DOCK2: variants seen among roughly 807,000 people sequenced by gnomAD.
DOCK2 encodes dedicator of cytokinesis 2, also known as dedicator of cytokinesis protein 2.
DOCK2 carries 87 observed loss-of-function variants against 248.9 expected under a neutral mutation model. The observed-to-expected ratio is 0.35, with a 90% CI of 0.29 to 0.42. DOCK2 has a LOEUF of 0.42. Among genes scored for constraint, DOCK2 ranks in the 10% least tolerant of loss-of-function variants. The pLI, the probability that DOCK2 is intolerant of heterozygous loss-of-function variation, is 1.00. For synonymous variants in DOCK2, 805 were observed against 821.6 expected, an observed-to-expected ratio of 0.98 and a Z score of 0.35; for missense variants, 1,747 against 2,300.2, an observed-to-expected ratio of 0.76 and a Z score of 4.92.
At chr5:169,906,066 G>T (rs1234499268) in intron 27 of DOCK2, among the ~76,000 whole-genome samples, 4 of 152,194 alleles carry the variant, frequency 2.6e-5, no homozygotes, top group African/African-American at 9.7e-5. Context: ...AATTATAAAT[G>T]AATGCAAAGA....
At chr5:169,817,870 C>T (rs1012046641) in intron 26 of DOCK2, among the ~76,000 whole-genome samples, 3 of 152,228 alleles carry the variant, frequency 2.0e-5, no homozygotes, top group Non-Finnish European at 4.4e-5. Flanking sequence ...TTTGACTGAT[C>T]CTCCCATCTT....
intron 25 of DOCK2, among the ~76,000 whole-genome samples, chr5:169,780,806 TG>T (rs1765672937): frequency 1.3e-5 from 2 of 152,230 alleles, no homozygotes; most frequent in Admixed American, 1.3e-4. Flanking sequence ...TTAAGTGAAA[TG>T]ATGTATAACA....
chr5:169,978,460 G>T (rs1301714661), intron 27 of DOCK2, among the ~76,000 whole-genome samples: 1 of 146,550 alleles, frequency 6.8e-6, no homozygotes, highest in East Asian at 2.0e-4. Context: ...GTTGAATGTT[G>T]TACACTAAAA....
chr5:170,021,630 A>G (rs1356838910), intron 33 of DOCK2, among the ~76,000 whole-genome samples: 3 of 152,092 alleles, frequency 2.0e-5, no homozygotes, highest in Non-Finnish European at 4.4e-5. Context: ...TCCAGTGTGC[A>G]TTCATTCTGA....
chr5:169,966,112 T>C (rs1447751916), intron 27 of DOCK2, among the ~76,000 whole-genome samples: 1 of 152,256 alleles, frequency 6.6e-6, no homozygotes, highest in Non-Finnish European at 1.5e-5. Flanking sequence ...TACTTTGAAG[T>C]TGTAAGGCCT....
At chr5:169,690,853 G>A (rs926969808) in intron 9 of DOCK2, among the ~76,000 whole-genome samples, 2 of 152,142 alleles carry the variant, frequency 1.3e-5, no homozygotes, top group African/African-American at 4.8e-5. Flanking sequence ...CCACACCTCC[G>A]CTCCTCAGAA....
At chr5:169,986,216 T>C (rs113225441) in intron 29 of DOCK2, among the ~76,000 whole-genome samples, 20 of 152,324 alleles carry the variant, frequency 1.3e-4, no homozygotes, top group African/African-American at 4.8e-4. Context: ...TTTAAAAATA[T>C]ATTATTTTAA....
chr5:169,708,435 A>G (rs1761395091), intron 15 of DOCK2, among the ~76,000 whole-genome samples, 168 bp downstream of exon 15: 1 of 152,214 alleles, frequency 6.6e-6, no homozygotes, highest in Non-Finnish European at 1.5e-5. Context: ...TGAACAGGGA[A>G]GTAGCCTGAC....
intron 25 of DOCK2, among the ~76,000 whole-genome samples, chr5:169,762,639 C>T (rs1401079977): frequency 1.3e-5 from 2 of 152,170 alleles, no homozygotes; most frequent in Non-Finnish European, 2.9e-5. Context: ...AAAAGAATGA[C>T]CTGTTCAGAA....
intron 27 of DOCK2, chr5:169,883,940 G>A: frequency 2.8e-6 from 4 of 1,444,132 alleles, no homozygotes; most frequent in Non-Finnish European, 3.7e-6. Flanking sequence ...ACTTCTCCTA[G>A]GCACATCTCC....
At chr5:170,081,772 G>A (rs1758041122) in intron 50 of DOCK2, 70 bp from the exon 51 acceptor site, 1 of 1,257,244 alleles carries the variant, frequency 8.0e-7, no homozygotes. Flanking sequence ...CCCTCCCCCT[G>A]TCTACCTCCC....
At chr5:169,722,461 C>A (rs1365348180) in intron 22 of DOCK2, among the ~76,000 whole-genome samples, 1 of 152,158 alleles carries the variant, frequency 6.6e-6, no homozygotes, top group African/African-American at 2.4e-5. Context: ...CCTCATGCTG[C>A]CCCAGGCTAG....
intron 22 of DOCK2, among the ~76,000 whole-genome samples, chr5:169,741,095 G>T (rs1299828336): frequency 6.6e-6 from 1 of 152,206 alleles, no homozygotes; most frequent in Non-Finnish European, 1.5e-5. Flanking sequence ...AAAGTGTTGG[G>T]ATTATAGGTG....
intron 27 of DOCK2, among the ~76,000 whole-genome samples, chr5:169,891,296 A>C (rs1260463502): frequency 2.6e-5 from 4 of 152,080 alleles, no homozygotes; most frequent in Admixed American, 6.5e-5. Context: ...CTGTCCTATT[A>C]GCTTATTTGT....
intron 23 of DOCK2, among the ~76,000 whole-genome samples, chr5:169,754,578 G>A (rs1764089582): frequency 6.6e-6 from 1 of 152,142 alleles, no homozygotes; most frequent in African/African-American, 2.4e-5. Context: ...CAAAGGGTGG[G>A]GGAAGCTCTT....
intron 27 of DOCK2, among the ~76,000 whole-genome samples, chr5:169,955,390 GGAGA>G (rs139569428): frequency 2.6e-5 from 4 of 151,560 alleles, no homozygotes; most frequent in Non-Finnish European, 4.4e-5. Flanking sequence ...TTAAAGGAAG[GGAGA>G]GAGAGAGAGA....
chr5:169,670,115 C>A (rs1758959536), intron 3 of DOCK2, among the ~76,000 whole-genome samples: 1 of 152,172 alleles, frequency 6.6e-6, no homozygotes, highest in African/African-American at 2.4e-5. Context: ...TCCAGTTGTT[C>A]CTGACTGTGA....
intron 27 of DOCK2, among the ~76,000 whole-genome samples, chr5:169,971,287 C>G (rs552619989): frequency 6.6e-6 from 1 of 152,134 alleles, no homozygotes; most frequent in East Asian, 1.9e-4. Context: ...AGAGAAGGAG[C>G]CAGCCTGCCG....
chr5:169,688,228 C>G (rs771487490), intron 8 of DOCK2, among the ~76,000 whole-genome samples: 1 of 152,222 alleles, frequency 6.6e-6, no homozygotes, highest in Non-Finnish European at 1.5e-5. Flanking sequence ...GCCCAGCCCC[C>G]TTGAATCTGT....
Sources: gnomAD v4.1 joint callset for allele counts (sites outside exome capture counted in the v4.1 genomes callset) on GRCh38, gnomAD v4.1.1 for gene constraint, MANE v1.5 for transcripts, NCBI Gene and HGNC (gene_info 2026-07-23, HGNC 2026-07-21) for gene names.